TNNI3K: variants seen among roughly 807,000 people sequenced by gnomAD.
TNNI3K encodes the protein serine/threonine-protein kinase TNNI3K.
Under a neutral mutation model 114.5 loss-of-function variants are expected in TNNI3K, and 140 were observed. The observed-to-expected ratio is 1.22, with a 90% confidence interval of 1.07 to 1.41. TNNI3K has a LOEUF of 1.41. TNNI3K is among the 40% of genes most tolerant of loss of function. TNNI3K has a pLI of 0.00. For synonymous variants in TNNI3K, 347 were observed against 347.5 expected (o/e 1.00, Z 0.02); for missense variants, 1,125 against 1,007.6 (o/e 1.12, Z -1.58).
intron 23 of TNNI3K, among the ~76,000 whole-genome samples, chr1:74,495,383 T>A (rs1208578087): frequency 6.6e-6 from 1 of 152,192 alleles, no homozygotes; most frequent in Non-Finnish European, 1.5e-5. Flanking sequence ...ATCCTTAGTA[T>A]CTATCTAGCA....
Position 74,411,206 on chromosome 1 carries a change from T to A in TNNI3K, c.1773-24874T>A, listed in dbSNP as rs558446039. 5.3e-5 allele frequency among the ~76,000 whole-genome samples: 8 copies of A among 152,304 alleles called. No individual in the cohort carries two copies. In the East Asian group the frequency reaches 1.5e-3, roughly 29 times the overall value. On this transcript the variant is annotated intron_variant, in intron 17 of 24. Coordinates refer to ENST00000326637, the MANE Select transcript of TNNI3K (RefSeq NM_015978.3). ...AAGATTTCTCAATAAAAGATAATAG[T>A]GTGACAATTTCATTAAATAATAAGC...
intron 23 of TNNI3K, among the ~76,000 whole-genome samples, chr1:74,509,657 G>C (rs1670076638): frequency 1.4e-5 from 2 of 146,278 alleles, no homozygotes; most frequent in African/African-American, 5.0e-5. Flanking sequence ...TGTTGTTTTT[G>C]TCATGTCATA....
At chr1:74,527,862 A>G (rs1235776303) in intron 23 of TNNI3K, among the ~76,000 whole-genome samples, 8 of 152,190 alleles carry the variant, frequency 5.3e-5, no homozygotes, top group Admixed American at 5.2e-4. Context: ...GAGTCCAAGT[A>G]AGGTGTGGAG....
At chr1:74,370,445 A>G in intron 17 of TNNI3K, 53 bp downstream of exon 17, 1 of 1,499,422 alleles carries the variant, frequency 6.7e-7, no homozygotes, top group Non-Finnish European at 9.2e-7. Flanking sequence ...CTGGGAGTTT[A>G]AGACAGATTT....
At chr1:74,277,037 C>A (rs994321137) in intron 5 of TNNI3K, among the ~76,000 whole-genome samples, 4 of 152,106 alleles carry the variant, frequency 2.6e-5, no homozygotes, top group African/African-American at 4.8e-5. Flanking sequence ...ATCCTGTCAG[C>A]AATCAATAAA....
chr1:74,533,710 C>T (rs1340445849), intron 23 of TNNI3K, among the ~76,000 whole-genome samples: 2 of 151,660 alleles, frequency 1.3e-5, no homozygotes, highest in African/African-American at 4.9e-5. Flanking sequence ...GGCACATATA[C>T]ACCATGGAAT....
chr1:74,244,950 G>T (rs1654463837), intron 2 of TNNI3K, among the ~76,000 whole-genome samples: 1 of 152,002 alleles, frequency 6.6e-6, no homozygotes, highest in Non-Finnish European at 1.5e-5. Flanking sequence ...AAGTTCGAGA[G>T]ATCAAGTTTA....
At position 74,445,326 on chromosome 1, in the gene TNNI3K, C is replaced by T. The variant is rs535901470; in HGVS notation, c.2011+5704C>T. Among the ~76,000 whole-genome samples, 1,093 of 141,646 alleles carry T rather than the reference C, an allele frequency of 7.7e-3. 17 individuals carry two copies. Among genetic ancestry groups the T allele is most frequent in the African/African-American group, 0.027 (1,031 of 37,770 alleles). The allele number at this position is 141,646 out of a possible 152,430, so 92.9% of individuals were successfully genotyped here. A position where few individuals can be genotyped will look rare whatever the true frequency, so the allele number is the denominator to read the frequency against. ...TGCTGGTGCGCTGCACCCACTAACT[C>T]GTCATCTAGCATTAGGTATATCTCC... On this transcript the variant is annotated intron_variant, in intron 20 of 24. Coordinates refer to ENST00000326637, the MANE Select transcript of TNNI3K (RefSeq NM_015978.3).
chr1:74,347,608 G>A (rs1661088535), intron 9 of TNNI3K, among the ~76,000 whole-genome samples: 1 of 152,108 alleles, frequency 6.6e-6, no homozygotes, highest in African/African-American at 2.4e-5. Context: ...CTAGTTTACA[G>A]TCCCACCAAC....
intron 21 of TNNI3K, among the ~76,000 whole-genome samples, chr1:74,465,672 T>A (rs1034932957): frequency 2.0e-5 from 3 of 152,120 alleles, no homozygotes; most frequent in Admixed American, 2.0e-4. Flanking sequence ...TGGGCAGCTC[T>A]GCCCACGGCC....
intron 4 of TNNI3K, among the ~76,000 whole-genome samples, chr1:74,258,983 A>G (rs1452416207): frequency 6.6e-6 from 1 of 152,212 alleles, no homozygotes; most frequent in Non-Finnish European, 1.5e-5. Flanking sequence ...CAAGCGTGGC[A>G]ACTCAAATTA....
intron 17 of TNNI3K, among the ~76,000 whole-genome samples, chr1:74,421,902 C>T (rs1300589272): frequency 2.6e-5 from 4 of 151,652 alleles, no homozygotes; most frequent in African/African-American, 9.7e-5. Context: ...ATTTGAAAAA[C>T]CAAGAGTCAC....
chr1:74,373,746 A>G (rs1381485391), intron 17 of TNNI3K: 1 of 151,866 alleles, frequency 6.6e-6, no homozygotes, highest in Non-Finnish European at 1.5e-5. Context: ...GTTTGAGCCC[A>G]CGGGATGGGG....
At chr1:74,300,972 T>C (rs1156537720) in intron 5 of TNNI3K, among the ~76,000 whole-genome samples, 2 of 152,232 alleles carry the variant, frequency 1.3e-5, no homozygotes, top group Non-Finnish European at 2.9e-5. Context: ...TACGAGGTTC[T>C]ATCTCCTTAA....
At chr1:74,540,067 C>T (rs1314198066) in intron 23 of TNNI3K, among the ~76,000 whole-genome samples, 167 bp from the exon 24 acceptor site, 1 of 152,082 alleles carries the variant, frequency 6.6e-6, no homozygotes, top group African/African-American at 2.4e-5. Flanking sequence ...ATGACTTAAA[C>T]CAAATAATTC....
intron 20 of TNNI3K, among the ~76,000 whole-genome samples, chr1:74,453,171 G>T (rs778102215): frequency 1.3e-5 from 2 of 152,082 alleles, no homozygotes; most frequent in Admixed American, 1.3e-4. Flanking sequence ...ATGGACCCCA[G>T]AAATAGTTAC....
intron 23 of TNNI3K, among the ~76,000 whole-genome samples, chr1:74,509,318 A>C (rs182768204): frequency 6.6e-5 from 10 of 152,340 alleles, no homozygotes; most frequent in African/African-American, 2.4e-4. Flanking sequence ...GAAATCAGGA[A>C]AATGACATTT....
chr1:74,448,260 T>TAAAAAAAAAAAAAAA (rs71588834), intron 20 of TNNI3K, among the ~76,000 whole-genome samples: 1 of 89,136 alleles, frequency 1.1e-5, no homozygotes, highest in Non-Finnish European at 2.3e-5. Context: ...TAGAGTATAA[T>TAAAAAAAAAAAAAAA]AAAAAAAAAA....
At chr1:74,333,654 T>C (rs1373946131) in intron 6 of TNNI3K, among the ~76,000 whole-genome samples, 2 of 152,208 alleles carry the variant, frequency 1.3e-5, no homozygotes, top group African/African-American at 2.4e-5. Context: ...GCTATTGTCA[T>C]TTGCTAAAAT....
Sources: gnomAD v4.1 joint callset for allele counts (sites outside exome capture counted in the v4.1 genomes callset) on GRCh38, gnomAD v4.1.1 for gene constraint, MANE v1.5 for transcripts, NCBI Gene and HGNC (gene_info 2026-07-23, HGNC 2026-07-21) for gene names.